The following ADARB2 variants were observed in gnomAD, a reference collection of about 807,000 sequenced individuals.
ADARB2 encodes the protein adenosine deaminase RNA specific B2 (inactive).
ADARB2 carries 25 observed loss-of-function variants against 62.2 expected under a neutral mutation model. That is an observed-to-expected ratio of 0.40 (90% CI 0.29 to 0.56). The LOEUF (loss-of-function observed/expected upper bound fraction) is 0.56. ADARB2 is among the 20% of genes least tolerant of loss of function. ADARB2 has a pLI of 0.43. For synonymous variants in ADARB2, 572 were observed against 500.8 expected, an observed-to-expected ratio of 1.14 and a Z score of -1.90; for missense variants, 1,071 against 1,077.4, an observed-to-expected ratio of 0.99 and a Z score of 0.08.
At chr10:1,623,993 GA>G (rs774963351) in intron 1 of ADARB2, among the ~76,000 whole-genome samples, 67 of 152,332 alleles carry the variant, frequency 4.4e-4, no homozygotes, top group Non-Finnish European at 8.2e-4. Context: ...AGCGATTTGG[GA>G]GGCTGAGGCG....
At chr10:1,714,111 C>G (rs1834985586) in intron 1 of ADARB2, among the ~76,000 whole-genome samples, 1 of 152,180 alleles carries the variant, frequency 6.6e-6, no homozygotes, top group Non-Finnish European at 1.5e-5. Flanking sequence ...CTAAAACCAA[C>G]CAAACAAAAA....
rs375412779 is a variant in ADARB2 at position 1,313,782 on chromosome 10, A to G, written c.1078-42713T>C. ...TGCACAGTGCAAACTTCCATTGTGCAGAGGTTTCACAGAAACATGCTTGCA... is the reference window on the plus strand; with the variant it reads ...TGCACAGTGCAAACTTCCATTGTGCGGAGGTTTCACAGAAACATGCTTGCA... On this transcript the variant is annotated intron_variant, in intron 3 of 9. Coordinates refer to ENST00000381312, the MANE Select transcript of ADARB2 (RefSeq NM_018702.4). 3.3e-4 allele frequency among the ~76,000 whole-genome samples: 50 copies of G among 152,350 alleles called. No homozygotes were observed. The South Asian group carries it at 5.4e-3, about 16-fold the overall frequency.
Position 1,440,320 on chromosome 10 carries a change from C to T in ADARB2, c.101-61160G>A, listed in dbSNP as rs184002097. On this transcript the variant is annotated intron_variant, in intron 1 of 9. Coordinates refer to ENST00000381312, the MANE Select transcript of ADARB2 (RefSeq NM_018702.4). ...CATGGCCACTGATGAGCTAGGTGAC[C>T]GTGGGACAGTCAATCTGATCCTCAT... 3.6e-3 allele frequency among the ~76,000 whole-genome samples: 552 copies of T among 152,234 alleles called. 3 individuals carry two copies. The highest frequency in any genetic ancestry group is 0.02 in the Middle Eastern group (6 of 294).
Position 1,437,364 on chromosome 10 carries a change from T to C in ADARB2, c.101-58204A>G, listed in dbSNP as rs148921026. ...TGTAGCTTATTATGTCGTTTCTATG[T>C]ATAGTTGCAATTCATACATATTTAT... On this transcript the variant is annotated intron_variant, in intron 1 of 9. Coordinates refer to ENST00000381312, the MANE Select transcript of ADARB2 (RefSeq NM_018702.4). 1.4e-3 allele frequency among the ~76,000 whole-genome samples: 213 copies of C among 152,352 alleles called. 1 individual carries two copies. The highest frequency in any genetic ancestry group is 4.8e-3 in the African/African-American group (201 of 41,584).
intron 1 of ADARB2, among the ~76,000 whole-genome samples, chr10:1,611,469 C>G (rs1280404812): frequency 6.6e-6 from 1 of 152,098 alleles, no homozygotes; most frequent in African/African-American, 2.4e-5. Context: ...TGATTTTCTC[C>G]CTCTTGCTGC....
intron 8 of ADARB2, among the ~76,000 whole-genome samples, chr10:1,190,973 C>T (rs1217062032): frequency 6.6e-6 from 1 of 152,218 alleles, no homozygotes; most frequent in African/African-American, 2.4e-5. Flanking sequence ...CAGCCCCACG[C>T]TCTGGGCCCC....
At chr10:1,524,172 G>T (rs1832110928) in intron 1 of ADARB2, among the ~76,000 whole-genome samples, 2 of 152,154 alleles carry the variant, frequency 1.3e-5, no homozygotes, top group Admixed American at 1.3e-4. Context: ...ACAAAATTTT[G>T]TAGGAGAGTC....
At chr10:1,506,147 G>A (rs890390684) in intron 1 of ADARB2, among the ~76,000 whole-genome samples, 3 of 152,020 alleles carry the variant, frequency 2.0e-5, no homozygotes, top group African/African-American at 2.4e-5. Context: ...CTGTCATGAC[G>A]GTCCTTTGGA....
chr10:1,327,218 T>TCACTGCCCAGCGCCTCCTCACTGCC, intron 3 of ADARB2, among the ~76,000 whole-genome samples: 1 of 49,160 alleles, frequency 2.0e-5, no homozygotes, highest in South Asian at 8.3e-4. Flanking sequence ...TCCTCACAGT[T>TCACTGCCCAGCGCCTCCTCACTGCC]CAGCGCCTCC....
At chr10:1,608,563 CAGA>C (rs1362653083) in intron 1 of ADARB2, among the ~76,000 whole-genome samples, 1 of 130,934 alleles carries the variant, frequency 7.6e-6, no homozygotes, top group Admixed American at 8.7e-5. Flanking sequence ...GAAAGAAAGA[CAGA>C]AGGAGGGAAG....
chr10:1,210,730 G>A (rs1279399932), intron 7 of ADARB2, among the ~76,000 whole-genome samples: 2 of 152,232 alleles, frequency 1.3e-5, no homozygotes, highest in Non-Finnish European at 2.9e-5. Context: ...GATGCTGACC[G>A]TGTGGAGCAC....
At chr10:1,577,811 G>C (rs1195240041) in intron 1 of ADARB2, among the ~76,000 whole-genome samples, 1 of 152,204 alleles carries the variant, frequency 6.6e-6, no homozygotes, top group Non-Finnish European at 1.5e-5. Flanking sequence ...TGGAGATCGG[G>C]ATCTTCAAAC....
chr10:1,674,388 G>C (rs537822550), intron 1 of ADARB2, among the ~76,000 whole-genome samples: 1 of 152,252 alleles, frequency 6.6e-6, no homozygotes, highest in South Asian at 2.1e-4. Flanking sequence ...GGACTTCCTT[G>C]GTCGGCATTT....
chr10:1,217,706 A>G (rs1830644844), intron 6 of ADARB2, among the ~76,000 whole-genome samples: 1 of 152,172 alleles, frequency 6.6e-6, no homozygotes. Context: ...TGACCCGGTT[A>G]CTTCCTCTAA....
intron 8 of ADARB2, chr10:1,186,459 C>A (rs1264079203): frequency 1.9e-6 from 1 of 518,580 alleles, no homozygotes; most frequent in Admixed American, 1.9e-5. Flanking sequence ...CCCATTGGTG[C>A]CTCCTGAATC....
chr10:1,639,929 C>T (rs1455060963), intron 1 of ADARB2, among the ~76,000 whole-genome samples: 1 of 152,124 alleles, frequency 6.6e-6, no homozygotes, highest in Non-Finnish European at 1.5e-5. Context: ...AGCCGCAAAG[C>T]CATGACCTGC....
intron 1 of ADARB2, among the ~76,000 whole-genome samples, chr10:1,457,415 T>C (rs2676768): frequency 0.67 from 101,638 of 151,948 alleles, 34,761 homozygotes; most frequent in Non-Finnish European, 0.75. Context: ...CTGATGCTCC[T>C]GGGGCCAGGC....
At chr10:1,252,574 A>G (rs1009998793) in intron 4 of ADARB2, among the ~76,000 whole-genome samples, 1 of 152,198 alleles carries the variant, frequency 6.6e-6, no homozygotes, top group African/African-American at 2.4e-5. Flanking sequence ...ACTCGCAGTG[A>G]ATATCATGAT....
intron 1 of ADARB2, among the ~76,000 whole-genome samples, chr10:1,520,319 A>G (rs1160517557): frequency 4.6e-5 from 7 of 152,234 alleles, no homozygotes; most frequent in Admixed American, 3.9e-4. Flanking sequence ...ATGTATGTGT[A>G]TAAAAATATA....
Sources: gnomAD v4.1 joint callset for allele counts (sites outside exome capture counted in the v4.1 genomes callset) on GRCh38, gnomAD v4.1.1 for gene constraint, MANE v1.5 for transcripts, NCBI Gene and HGNC (gene_info 2026-07-23, HGNC 2026-07-21) for gene names.